AGBL1: variants seen among roughly 807,000 people sequenced by gnomAD.
AGBL1 encodes AGBL carboxypeptidase 1.
In AGBL1, 130 loss-of-function variants were observed where a neutral mutation model predicts 118.9. The observed-to-expected ratio is 1.09, with a 90% confidence interval of 0.95 to 1.26. AGBL1 has a LOEUF of 1.26. AGBL1 is among the 50% of genes most tolerant of loss of function. AGBL1 has a pLI of 0.00. For synonymous variants in AGBL1, 555 were observed against 478.9 expected, an observed-to-expected ratio of 1.16 and a Z score of -2.08; for missense variants, 1,584 against 1,298.1, an observed-to-expected ratio of 1.22 and a Z score of -3.38.
intron 17 of AGBL1, among the ~76,000 whole-genome samples, chr15:86,319,300 T>G (rs1278311766): frequency 6.6e-6 from 1 of 152,226 alleles, no homozygotes; most frequent in Non-Finnish European, 1.5e-5. Context: ...CAGTTGTGAA[T>G]GAGAGTTGCT....
At chr15:86,417,729 G>T (rs887578379) in intron 18 of AGBL1, among the ~76,000 whole-genome samples, 12 of 152,146 alleles carry the variant, frequency 7.9e-5, no homozygotes, top group Non-Finnish European at 1.5e-4. Flanking sequence ...GAAGCAGGGA[G>T]GTGTCAGAGC....
In AGBL1 at chr15:86,644,424, C is replaced by A. The variant is rs920138402; in HGVS notation, c.2995-29849C>A. ...ATATGTGAGCACACACTCACAAAAT[C>A]AGCACCTAAGTCAGGACTTACAAAC... is the stretch of plus-strand genomic sequence containing the variant. On this transcript the variant is annotated intron_variant, in intron 21 of 22. Coordinates refer to ENST00000614907, the MANE Select transcript of AGBL1 (RefSeq NM_001386094.1). 7.2e-5 allele frequency among the ~76,000 whole-genome samples: 11 copies of A among 152,150 alleles called. No individual in the cohort carries two copies. The East Asian group carries it at 2.1e-3, about 29-fold the overall frequency.
intron 18 of AGBL1, among the ~76,000 whole-genome samples, chr15:86,509,586 T>G (rs1267499942): frequency 4.6e-5 from 7 of 152,136 alleles, no homozygotes; most frequent in Non-Finnish European, 8.8e-5. Context: ...TTACGATAGA[T>G]AGAAGATGAG....
chr15:86,475,295 G>A (rs1013020177), intron 18 of AGBL1, among the ~76,000 whole-genome samples: 2 of 152,100 alleles, frequency 1.3e-5, no homozygotes, highest in Non-Finnish European at 2.9e-5. Context: ...AAGGAAGTTC[G>A]AACCCACTGC....
chr15:86,707,826 G>A (rs867824488), intron 22 of AGBL1, among the ~76,000 whole-genome samples: 136 of 152,186 alleles, frequency 8.9e-4, no homozygotes, highest in African/African-American at 3.0e-3. Context: ...CTTTTTCAAT[G>A]GAGATGAGGA....
chr15:86,133,100 A>G lies in AGBL1; in HGVS notation c.52-8904A>G, dbSNP rs376468557. 4.6e-5 allele frequency among the ~76,000 whole-genome samples: 7 copies of G among 152,268 alleles called. No homozygotes were observed. The East Asian group carries it at 7.7e-4, about 17-fold the overall frequency. ...TATTAGTCCAATAATGTGGGTGAGG[A>G]AATTGGGTGTTACAGAGGTTATGGA... On this transcript the variant is annotated intron_variant, in intron 1 of 22. Coordinates refer to ENST00000614907, the MANE Select transcript of AGBL1 (RefSeq NM_001386094.1).
At chr15:86,163,117 G>A (rs938964022) in intron 5 of AGBL1, among the ~76,000 whole-genome samples, 1 of 152,182 alleles carries the variant, frequency 6.6e-6, no homozygotes, top group African/African-American at 2.4e-5. Context: ...CTAGCCCAGC[G>A]CCTAGATAAT....
At chr15:86,847,811 T>C (rs952471701) in intron 22 of AGBL1, among the ~76,000 whole-genome samples, 3 of 152,192 alleles carry the variant, frequency 2.0e-5, no homozygotes, top group Non-Finnish European at 2.9e-5. Context: ...CTTAAATGTG[T>C]GCACAGCTTT....
At chr15:86,185,173 C>T (rs28832371) in intron 5 of AGBL1, among the ~76,000 whole-genome samples, 1,801 of 152,258 alleles carry the variant, frequency 0.012, 31 homozygotes, top group African/African-American at 0.041. Context: ...CATCACTGGC[C>T]ATCAGAGAAA....
At chr15:86,536,500 G>A (rs1311448051) in intron 19 of AGBL1, among the ~76,000 whole-genome samples, 1 of 151,980 alleles carries the variant, frequency 6.6e-6, no homozygotes, top group African/African-American at 2.4e-5. Context: ...TAGTAGAAAC[G>A]GGGTTTCACC....
intron 18 of AGBL1, 125 bp downstream of exon 18, chr15:86,397,671 GT>G: frequency 1.2e-6 from 1 of 866,984 alleles, no homozygotes; most frequent in Non-Finnish European, 1.8e-6. Context: ...TTGGTTTTCT[GT>G]TTTCTGCTAC....
At chr15:86,203,754 A>C (rs535945309) in intron 5 of AGBL1, among the ~76,000 whole-genome samples, 1 of 152,196 alleles carries the variant, frequency 6.6e-6, no homozygotes, top group South Asian at 2.1e-4. Flanking sequence ...TTACGGAGTT[A>C]CTCATCTTCG....
intron 23 of AGBL1, among the ~76,000 whole-genome samples, chr15:86,954,911 C>CTT (rs2080914934): frequency 6.6e-6 from 1 of 152,124 alleles, no homozygotes; most frequent in Admixed American, 6.6e-5. Flanking sequence ...GTCATGATAA[C>CTT]TTGTGTTATT....
At chr15:86,134,530 T>A in intron 1 of AGBL1, among the ~76,000 whole-genome samples, 1 of 151,196 alleles carries the variant, frequency 6.6e-6, no homozygotes, top group Non-Finnish European at 1.5e-5. Context: ...TCTAGACTTG[T>A]GGAGAAAATT....
chr15:86,279,302 A>G (rs1435984533), intron 15 of AGBL1, among the ~76,000 whole-genome samples: 2 of 152,180 alleles, frequency 1.3e-5, no homozygotes, highest in African/African-American at 2.4e-5. Flanking sequence ...TTGAAACCCA[A>G]GAAAAACAGA....
intron 19 of AGBL1, among the ~76,000 whole-genome samples, chr15:86,541,611 AAAAAAAGAG>A (rs998382748): frequency 1.3e-5 from 2 of 149,884 alleles, no homozygotes; most frequent in South Asian, 2.1e-4. Flanking sequence ...AAAAAAAAAA[AAAAAAAGAG>A]AGAGAGAGAG....
intron 18 of AGBL1, among the ~76,000 whole-genome samples, chr15:86,510,622 T>C (rs761576028): frequency 3.9e-5 from 6 of 152,106 alleles, no homozygotes; most frequent in Non-Finnish European, 7.4e-5. Context: ...TTTGGAACAT[T>C]ACATGATATT....
chr15:86,911,853 C>T lies in AGBL1; in HGVS notation c.*4559C>T, dbSNP rs1256559920. 1 of 152,110 alleles carries T rather than the reference C, an allele frequency of 6.6e-6. No individual in the cohort carries two copies. The highest frequency in any genetic ancestry group is 1.5e-5 in the Non-Finnish European group (1 of 68,024). The allele number at this position is 152,110 out of a possible 1,614,324, so 9.4% of individuals were successfully genotyped here. On this transcript the variant is annotated 3_prime_UTR_variant, in exon 23 of 23. Transcript: ENST00000614907. ...ATCTCTCTTCCATGCCCCTGTTGCA[C>T]TGTTTATATATCTCTTTTATACTAT...
At chr15:86,169,171 G>T (rs760409467) in intron 5 of AGBL1, among the ~76,000 whole-genome samples, 6 of 152,176 alleles carry the variant, frequency 3.9e-5, no homozygotes, top group Non-Finnish European at 7.3e-5. Context: ...AGAGCTGAAG[G>T]CCTGGAGAAA....
Sources: gnomAD v4.1 joint callset for allele counts (sites outside exome capture counted in the v4.1 genomes callset) on GRCh38, gnomAD v4.1.1 for gene constraint, MANE v1.5 for transcripts, NCBI Gene and HGNC (gene_info 2026-07-23, HGNC 2026-07-21) for gene names.